GALNT13: variants seen among roughly 807,000 people sequenced by gnomAD.
The protein encoded by GALNT13 is UDP-GalNAc:polypeptide N-acetylgalactosaminyltransferase 13.
GALNT13 carries 28 observed loss-of-function variants against 64.2 expected under a neutral mutation model. The ratio of observed to expected loss-of-function variants is 0.44; its 90% CI spans 0.32 to 0.60. The LOEUF is 0.60. Among genes scored for constraint, GALNT13 ranks in the 20% least tolerant of loss-of-function variants. The probability of loss-of-function intolerance (pLI) is 0.05; values close to 1 mark genes in which losing one functional copy is unlikely to be tolerated. For synonymous variants in GALNT13, 214 were observed against 224.6 expected (o/e 0.95, Z 0.42); for missense variants, 577 against 669.8 (o/e 0.86, Z 1.53).
chr2:154,087,288 C>G (rs767392544), intron 3 of GALNT13, among the ~76,000 whole-genome samples: 15 of 151,862 alleles, frequency 9.9e-5, no homozygotes, highest in Non-Finnish European at 1.9e-4. Context: ...CTTAGGTAAA[C>G]AGTATGGTAC....
the GALNT13 span, among the ~76,000 whole-genome samples, chr2:153,178,570 A>G: frequency 6.6e-6 from 1 of 152,060 alleles, no homozygotes; most frequent in African/African-American, 2.4e-5. Context: ...TTCTTTCTAT[A>G]AAGTTGCTTG....
chr2:154,173,928 C>T (rs1052515546), intron 4 of GALNT13, among the ~76,000 whole-genome samples: 4 of 152,026 alleles, frequency 2.6e-5, no homozygotes, highest in African/African-American at 7.2e-5. Context: ...GGAATGCCCA[C>T]ACACTGTTGG....
At chr2:153,940,260 CTT>C (rs35641791) in intron 2 of GALNT13, among the ~76,000 whole-genome samples, 2,085 of 129,162 alleles carry the variant, frequency 0.016, 45 homozygotes, top group East Asian at 0.065. Context: ...AAGTTTTTGT[CTT>C]TTTTTTTTTT....
the GALNT13 span, among the ~76,000 whole-genome samples, chr2:153,246,662 A>G: frequency 6.6e-6 from 1 of 152,216 alleles, no homozygotes; most frequent in African/African-American, 2.4e-5. Context: ...AAATATGGAA[A>G]GGAAAAACTG....
chr2:154,347,234 C>T (rs1313107158), intron 9 of GALNT13, among the ~76,000 whole-genome samples: 4 of 152,044 alleles, frequency 2.6e-5, no homozygotes, highest in Admixed American at 1.3e-4. Flanking sequence ...CTTCTATATA[C>T]TCTGCATCCT....
At chr2:153,478,263 C>T in the GALNT13 span, 1 of 1,613,736 alleles carries the variant, frequency 6.2e-7, no homozygotes, top group Non-Finnish European at 8.5e-7. Context: ...CCACCGCCTC[C>T]ACCTCCTTAG....
the GALNT13 span, among the ~76,000 whole-genome samples, chr2:153,248,829 G>GA: frequency 0.18 from 7,754 of 44,184 alleles, 318 homozygotes; most frequent in Non-Finnish European, 0.24. Context: ...AAAAAAAAAA[G>GA]AAAAAAAAGA....
intron 8 of GALNT13, among the ~76,000 whole-genome samples, chr2:154,269,182 G>T (rs1405317148): frequency 6.6e-6 from 1 of 152,036 alleles, no homozygotes; most frequent in African/African-American, 2.4e-5. Context: ...AATGAAATTT[G>T]TCAACCTTTA....
the GALNT13 span, among the ~76,000 whole-genome samples, chr2:153,286,289 G>GT: frequency 6.6e-6 from 1 of 152,018 alleles, no homozygotes; most frequent in Non-Finnish European, 1.5e-5. Flanking sequence ...ACTTGTTTTT[G>GT]TTTCTCCATT....
the GALNT13 span, among the ~76,000 whole-genome samples, chr2:153,181,325 A>C: frequency 1.3e-5 from 2 of 150,354 alleles, no homozygotes; most frequent in Admixed American, 1.3e-4. Context: ...CGTTTTACTT[A>C]TTATTAATTT....
chr2:154,201,709 AT>A (rs1239103191), intron 4 of GALNT13, among the ~76,000 whole-genome samples: 1 of 152,120 alleles, frequency 6.6e-6, no homozygotes, highest in Non-Finnish European at 1.5e-5. Context: ...TGTTTTGATA[AT>A]GGTAAGAGTT....
At chr2:153,433,269 G>A in the GALNT13 span, among the ~76,000 whole-genome samples, 1 of 152,182 alleles carries the variant, frequency 6.6e-6, no homozygotes, top group Non-Finnish European at 1.5e-5. Context: ...TGTGGTCTTA[G>A]AAGGTTCTGA....
chr2:153,662,889 C>G, the GALNT13 span, among the ~76,000 whole-genome samples: 2 of 152,090 alleles, frequency 1.3e-5, no homozygotes, highest in African/African-American at 4.8e-5. Flanking sequence ...AGTTTTCCAC[C>G]ATTTTGTCTA....
At chr2:153,764,291 C>T in the GALNT13 span, among the ~76,000 whole-genome samples, 1 of 152,176 alleles carries the variant, frequency 6.6e-6, no homozygotes, top group African/African-American at 2.4e-5. Flanking sequence ...AATCCCAGCA[C>T]TTTGGGAGGC....
chr2:154,140,213 C>G lies in GALNT13; in HGVS notation c.143-124C>G, dbSNP rs1477450218. On this transcript the variant is annotated intron_variant, in intron 3 of 12. Transcript: ENST00000392825. ...GGTTTATAATCAGTAAAATCTTGAT[C>G]ATTATATTATAAAACCTGTATGTAA... 5 of 649,728 alleles carry G rather than the reference C, an allele frequency of 7.7e-6. No homozygotes were observed. In the Admixed American group the frequency reaches 1.6e-4, roughly 21 times the overall value. 40.2% of individuals were successfully genotyped at this position (649,728 alleles called of 1,614,324 possible).
Position 153,897,880 on chromosome 2 carries a change from C to G in GALNT13, c.-176-3056C>G, listed in dbSNP as rs150333250. ...GCCTCTTGAAGCTAGGACCTGTGTC[C>G]TTTTGACATATTCCCATCATTTTAT... On this transcript the variant is annotated intron_variant, in intron 1 of 12. Coordinates refer to ENST00000392825, the MANE Select transcript of GALNT13 (RefSeq NM_052917.4). Among the ~76,000 whole-genome samples the G allele has an allele frequency of 2.3e-3, 350 of 152,128 alleles. 10 individuals are homozygous for G. In the East Asian group the frequency reaches 0.055, roughly 24 times the overall value.
intron 9 of GALNT13, among the ~76,000 whole-genome samples, chr2:154,345,908 A>T (rs1005994975): frequency 6.6e-6 from 1 of 152,096 alleles, no homozygotes; most frequent in Non-Finnish European, 1.5e-5. Flanking sequence ...ATATTTGTAG[A>T]TATTATCTTT....
intron 2 of GALNT13, among the ~76,000 whole-genome samples, chr2:153,929,637 A>G (rs1015536539): frequency 6.6e-6 from 1 of 152,088 alleles, no homozygotes; most frequent in African/African-American, 2.4e-5. Context: ...TTTTAGGACA[A>G]TGGCCTCCAG....
chr2:153,329,164 C>G, the GALNT13 span, among the ~76,000 whole-genome samples: 3 of 152,020 alleles, frequency 2.0e-5, no homozygotes, highest in Non-Finnish European at 1.5e-5. Flanking sequence ...ATGAGATGAA[C>G]CGGGTACCTC....
Sources: allele counts gnomAD v4.1 joint callset (sites outside exome capture counted in the v4.1 genomes callset), GRCh38; gene constraint gnomAD v4.1.1; transcripts MANE v1.5; gene names NCBI Gene and HGNC (gene_info 2026-07-23, HGNC 2026-07-21).